The following SRPK2 variants were observed in gnomAD, a reference collection of about 807,000 sequenced individuals.
SRPK2 encodes the protein SFRS protein kinase 2.
SRPK2 carries 21 observed loss-of-function variants against 90.8 expected under a neutral mutation model. The ratio of observed to expected loss-of-function variants is 0.23; its 90% CI spans 0.16 to 0.33. The LOEUF is 0.33. SRPK2 is among the 10% of genes least tolerant of loss of function. SRPK2 has a pLI of 1.00. For synonymous variants in SRPK2, 288 were observed against 311.1 expected, an observed-to-expected ratio of 0.93 and a Z score of 0.78; for missense variants, 620 against 869.0, an observed-to-expected ratio of 0.71 and a Z score of 3.60.
At chr7:105,144,803 A>T (rs1804318602) in intron 9 of SRPK2, among the ~76,000 whole-genome samples, 2 of 152,210 alleles carry the variant, frequency 1.3e-5, no homozygotes, top group Admixed American at 6.5e-5. Flanking sequence ...CTCTGCACAG[A>T]TCATTAAAAC....
chr7:105,350,323 G>A (rs956281618), intron 2 of SRPK2, among the ~76,000 whole-genome samples: 1 of 150,696 alleles, frequency 6.6e-6, no homozygotes, highest in African/African-American at 2.4e-5. Context: ...GTAGAGACAG[G>A]GTTTCACCAT....
At chr7:105,331,062 G>A (rs1222443977) in intron 2 of SRPK2, among the ~76,000 whole-genome samples, 1 of 151,932 alleles carries the variant, frequency 6.6e-6, no homozygotes, top group Non-Finnish European at 1.5e-5. Flanking sequence ...AGCACTTTGG[G>A]AGGCCGAGGT....
At chr7:105,210,282 CTTCAGTTAGTATTTGAGGGACA>C (rs972371010) in intron 2 of SRPK2, among the ~76,000 whole-genome samples, 1 of 152,138 alleles carries the variant, frequency 6.6e-6, no homozygotes, top group Non-Finnish European at 1.5e-5. Flanking sequence ...AGATGAATTT[CTTCAGTTAGTATTTGAGGGACA>C]TTCACATAAA....
chr7:105,318,476 G>C (rs1368912347), intron 2 of SRPK2, among the ~76,000 whole-genome samples: 1 of 152,174 alleles, frequency 6.6e-6, no homozygotes, highest in Non-Finnish European at 1.5e-5. Context: ...AGTACCAATT[G>C]ATATAAACTG....
chr7:105,395,546 A>G (rs1172828706), intron 1 of SRPK2, among the ~76,000 whole-genome samples: 11 of 152,110 alleles, frequency 7.2e-5, no homozygotes, highest in Admixed American at 5.9e-4. Flanking sequence ...CCCGGACAAC[A>G]TGGTGAAACC....
chr7:105,222,005 G>A (rs1471148950), intron 2 of SRPK2, among the ~76,000 whole-genome samples: 1 of 152,092 alleles, frequency 6.6e-6, no homozygotes, highest in Non-Finnish European at 1.5e-5. Flanking sequence ...TAAAAACACT[G>A]TAAAATATCA....
chr7:105,183,308 A>G (rs1404325671), intron 3 of SRPK2, among the ~76,000 whole-genome samples: 2 of 152,234 alleles, frequency 1.3e-5, no homozygotes, highest in African/African-American at 2.4e-5. Context: ...ATACAAGCCA[A>G]TAACTAAAAT....
chr7:105,187,011 T>A (rs1793664662), intron 3 of SRPK2, among the ~76,000 whole-genome samples: 2 of 152,234 alleles, frequency 1.3e-5, no homozygotes, highest in South Asian at 4.1e-4. Flanking sequence ...ATGTCTCAGT[T>A]GAGGCCCCAG....
intron 2 of SRPK2, among the ~76,000 whole-genome samples, chr7:105,350,842 C>A (rs1167112963): frequency 6.6e-5 from 10 of 152,148 alleles, no homozygotes. Flanking sequence ...ATAGCTTAAA[C>A]ATGTTCAGAT....
chr7:105,348,861 G>C (rs536151592), intron 2 of SRPK2, among the ~76,000 whole-genome samples: 1 of 151,972 alleles, frequency 6.6e-6, no homozygotes, highest in South Asian at 2.1e-4. Context: ...GAATATATCA[G>C]AGCAGCCGGG....
intron 1 of SRPK2, among the ~76,000 whole-genome samples, chr7:105,395,620 C>T (rs1446175804): frequency 6.6e-6 from 1 of 152,084 alleles, no homozygotes; most frequent in Non-Finnish European, 1.5e-5. Flanking sequence ...ATCCCAGCCA[C>T]TCAGGAGGCT....
At chr7:105,390,932 A>G (rs1049555765), upstream of SRPK2, among the ~76,000 whole-genome samples, 2 of 152,176 alleles carry the variant, frequency 1.3e-5, no homozygotes, top group African/African-American at 4.8e-5. Context: ...GTGCATCAAA[A>G]TATGATGTCA....
At chr7:105,267,788 T>G (rs1173555454) in intron 2 of SRPK2, among the ~76,000 whole-genome samples, 1 of 152,214 alleles carries the variant, frequency 6.6e-6, no homozygotes, top group Non-Finnish European at 1.5e-5. Context: ...GTATTTTTTC[T>G]GTATCATTCC....
intron 2 of SRPK2, among the ~76,000 whole-genome samples, chr7:105,236,092 C>G (rs548694173): frequency 1.3e-5 from 2 of 152,176 alleles, no homozygotes; most frequent in Admixed American, 1.3e-4. Flanking sequence ...GGTTCCATCC[C>G]TGTGTTTCTG....
intron 3 of SRPK2, among the ~76,000 whole-genome samples, chr7:105,170,888 AAAGAAAGAAAGAAAGAAAGAAAGAAAGG>A (rs1442608956): frequency 4.7e-4 from 55 of 115,950 alleles, no homozygotes; most frequent in African/African-American, 1.6e-3. Context: ...AGAAAGAAAG[AAAGAAAGAAAGAAAGAAAGAAAGAAAGG>A]AGAAAGAAAA....
chr7:105,152,604 C>T (rs1805862353), intron 7 of SRPK2, among the ~76,000 whole-genome samples: 1 of 152,188 alleles, frequency 6.6e-6, no homozygotes, highest in Admixed American at 6.5e-5. Context: ...AAAACAAAAA[C>T]ACAAACCAAA....
intron 2 of SRPK2, among the ~76,000 whole-genome samples, chr7:105,355,558 G>A (rs1003649033): frequency 2.0e-5 from 3 of 152,080 alleles, no homozygotes; most frequent in African/African-American, 7.2e-5. Context: ...GAAGGCTGTG[G>A]TGGGAGGACT....
chr7:105,258,774 A>G (rs906441449), intron 2 of SRPK2, among the ~76,000 whole-genome samples: 5 of 152,212 alleles, frequency 3.3e-5, no homozygotes, highest in Admixed American at 3.3e-4. Flanking sequence ...AAACAGAACC[A>G]ACAACAAAAA....
intron 2 of SRPK2, among the ~76,000 whole-genome samples, chr7:105,248,438 A>T (rs1208560957): frequency 3.7e-4 from 18 of 49,038 alleles, no homozygotes; most frequent in Non-Finnish European, 1.0e-3. Context: ...AAAAAATTTA[A>T]AAAAAAAAAA....
Sources: allele counts gnomAD v4.1 joint callset (sites outside exome capture counted in the v4.1 genomes callset), GRCh38; gene constraint gnomAD v4.1.1; transcripts MANE v1.5; gene names NCBI Gene and HGNC (gene_info 2026-07-23, HGNC 2026-07-21).